PDSS2: variants seen among roughly 807,000 people sequenced by gnomAD.
PDSS2 encodes the protein decaprenyl diphosphate synthase subunit 2, also known as all trans-polyprenyl-diphosphate synthase PDSS2.
Under a neutral mutation model 44.5 loss-of-function variants are expected in PDSS2, and 31 were observed. That is an observed-to-expected ratio of 0.70 (90% CI 0.52 to 0.94). The LOEUF (loss-of-function observed/expected upper bound fraction) is 0.94. Ranked by LOEUF, PDSS2 falls within the 40% of genes least tolerant of loss-of-function variation. The pLI, the probability that PDSS2 is intolerant of heterozygous loss-of-function variation, is 0.00. For missense variants in PDSS2, 452 were observed against 482.2 expected, an observed-to-expected ratio of 0.94 and a Z score of 0.59; for synonymous variants, 157 against 180.3, an observed-to-expected ratio of 0.87 and a Z score of 1.03.
intron 2 of PDSS2, among the ~76,000 whole-genome samples, chr6:107,307,448 G>A (rs967610157): frequency 4.0e-5 from 6 of 151,798 alleles, no homozygotes; most frequent in Non-Finnish European, 5.9e-5. Flanking sequence ...ATCAGAGTAC[G>A]CATTCAAATC....
Position 107,417,674 on chromosome 6 carries a change from G to A in PDSS2, c.296+41316C>T, listed in dbSNP as rs536323989. 5.3e-5 allele frequency among the ~76,000 whole-genome samples: 8 copies of A among 152,096 alleles called. No individual in the cohort carries two copies. The South Asian group carries it at 1.2e-3, about 24-fold the overall frequency. On this transcript the variant is annotated intron_variant, in intron 1 of 7. Transcript: ENST00000369037. The stretch of plus-strand genomic sequence containing the variant: ...CTCAGGAGGCTGAAGCAGGAGAATC[G>A]CTTGAACCCAGGAGGCAGAGGTTGC...
chr6:107,238,317 T>A (rs556226177), intron 4 of PDSS2, among the ~76,000 whole-genome samples: 281 of 152,290 alleles, frequency 1.8e-3, no homozygotes, highest in African/African-American at 6.5e-3. Context: ...GTGTTCGGGA[T>A]CTCCAAATCA....
At position 107,291,062 on chromosome 6, in the gene PDSS2, T is replaced by C. The variant is rs548967922; in HGVS notation, c.432-16835A>G. ...TGAAAAGGAAAAGCATACATACTTT[T>C]GTAAACCTGTGCCGGGTAAAAGAAT... On this transcript the variant is annotated intron_variant, in intron 2 of 7. Coordinates refer to ENST00000369037, the MANE Select transcript of PDSS2 (RefSeq NM_020381.4). Among the ~76,000 whole-genome samples the C allele has an allele frequency of 3.3e-5, 5 of 152,292 alleles. No individual in the cohort carries two copies. In the East Asian group the frequency reaches 7.7e-4, roughly 23 times the overall value.
At chr6:107,385,943 T>C (rs998791162) in intron 1 of PDSS2, among the ~76,000 whole-genome samples, 2 of 152,134 alleles carry the variant, frequency 1.3e-5, no homozygotes, top group African/African-American at 4.8e-5. Flanking sequence ...AAAAATCATA[T>C]GTAGGATGTA....
chr6:107,207,988 T>TTTG lies in PDSS2; in HGVS notation c.1008+2450_1008+2451insCAA, dbSNP rs1554253993. 3.5e-5 allele frequency among the ~76,000 whole-genome samples: 5 copies of TTTG among 143,892 alleles called. No individual in the cohort carries two copies. The East Asian group carries it at 8.2e-4, about 24-fold the overall frequency. 94.4% of individuals were successfully genotyped at this position (143,892 alleles called of 152,430 possible). On this transcript the variant is annotated intron_variant, in intron 6 of 7. Transcript: ENST00000369037. ...CTCTGTCTATGACTTGTTTTTTTTT[T>TTTG]TTTTTTTTTTTTTATGAAACAGAGT...
intron 2 of PDSS2, among the ~76,000 whole-genome samples, chr6:107,306,201 T>C (rs1776853781): frequency 1.3e-5 from 2 of 152,138 alleles, no homozygotes; most frequent in Non-Finnish European, 2.9e-5. Context: ...TTTGGCTGTG[T>C]CCCCACCCAA....
Position 107,154,457 on chromosome 6 carries a change from T to C in PDSS2, c.*162A>G. 1.5e-6 allele frequency: 1 copy of C among 680,224 alleles called. No homozygotes were observed. The highest frequency in any genetic ancestry group is 2.5e-6 in the Non-Finnish European group (1 of 394,710). 42.1% of individuals were successfully genotyped at this position (680,224 alleles called of 1,614,324 possible). On this transcript the variant is annotated 3_prime_UTR_variant, in exon 8 of 8. Transcript: ENST00000369037. ...CCTTTTTTTCTTCTAATTTTGTTTG[T>C]AGCAGTTCCAAAAAGAAAGCAGAAC...
Position 107,210,459 on chromosome 6 carries a change from A to G in PDSS2, c.988T>C (p.Trp330Arg). ...TTTACCTCTCCGATCTGTTTAATCC[A>G]CAAATCTCTTCCAAGAAATTCCTGA... is the stretch of plus-strand genomic sequence containing the variant. ...LHQEFLGRDL[W>R]IKQIGEAQEK... Residue 330 changes from tryptophan (W) to arginine (R), a missense_variant, in exon 6 of 8, where the codon TGG becomes CGG. Physicochemically the swap from Trp to Arg is moderately radical, Grantham distance 101. Transcript: ENST00000369037. 6.8e-6 allele frequency: 11 copies of G among 1,610,552 alleles called. No individual in the cohort carries two copies. Among genetic ancestry groups the G allele is most frequent in the Non-Finnish European group, 9.3e-6 (11 of 1,177,066 alleles).
intron 1 of PDSS2, among the ~76,000 whole-genome samples, chr6:107,388,709 C>T (rs1174203318): frequency 1.3e-5 from 2 of 152,144 alleles, no homozygotes; most frequent in East Asian, 3.9e-4. Flanking sequence ...CCACCCACCT[C>T]GGCCTCCCAA....
At chr6:107,391,148 T>G (rs1030888054) in intron 1 of PDSS2, among the ~76,000 whole-genome samples, 5 of 152,050 alleles carry the variant, frequency 3.3e-5, no homozygotes, top group African/African-American at 1.2e-4. Flanking sequence ...CCTAAGTATT[T>G]TATTCTTGTG....
chr6:107,234,282 T>C (rs906891971), intron 4 of PDSS2, among the ~76,000 whole-genome samples: 3 of 152,086 alleles, frequency 2.0e-5, no homozygotes, highest in Non-Finnish European at 2.9e-5. Flanking sequence ...CTCGGCTCAC[T>C]GCAACCTCTA....
intron 6 of PDSS2, among the ~76,000 whole-genome samples, chr6:107,201,390 C>CAAAAAAAAAAAAAAA (rs747612959): frequency 9.6e-5 from 5 of 52,152 alleles, no homozygotes; most frequent in Non-Finnish European, 1.2e-4. Flanking sequence ...CATACAAAAG[C>CAAAAAAAAAAAAAAA]AAAAAAAAAA....
At chr6:107,431,482 C>A (rs1781192624) in intron 1 of PDSS2, among the ~76,000 whole-genome samples, 1 of 152,170 alleles carries the variant, frequency 6.6e-6, no homozygotes, top group Non-Finnish European at 1.5e-5. Flanking sequence ...ACTCTGGGCT[C>A]ATGCGAACCT....
At chr6:107,345,264 A>G (rs892946787) in intron 1 of PDSS2, among the ~76,000 whole-genome samples, 1 of 150,956 alleles carries the variant, frequency 6.6e-6, no homozygotes, top group Non-Finnish European at 1.5e-5. Flanking sequence ...TTTCAATAGA[A>G]TCTGCCATTC....
chr6:107,232,462 T>C (rs1323597224), intron 4 of PDSS2, among the ~76,000 whole-genome samples: 2 of 152,174 alleles, frequency 1.3e-5, no homozygotes, highest in Non-Finnish European at 2.9e-5. Context: ...CCCCCCAACA[T>C]AGTTAGCTGC....
At chr6:107,224,573 C>T (rs979293021) in intron 4 of PDSS2, among the ~76,000 whole-genome samples, 1 of 151,408 alleles carries the variant, frequency 6.6e-6, no homozygotes, top group South Asian at 2.1e-4. Flanking sequence ...TGATGCCTGA[C>T]TACCTCTGCA....
intron 2 of PDSS2, among the ~76,000 whole-genome samples, chr6:107,292,788 C>T (rs1776388490): frequency 6.6e-6 from 1 of 152,162 alleles, no homozygotes; most frequent in African/African-American, 2.4e-5. Context: ...GGGCAGCTAA[C>T]TAATAATAAT....
intron 2 of PDSS2, among the ~76,000 whole-genome samples, chr6:107,295,342 T>C (rs1328645073): frequency 6.6e-6 from 1 of 152,228 alleles, no homozygotes; most frequent in East Asian, 1.9e-4. Flanking sequence ...AATAAGATTA[T>C]GAAGGATGCC....
At chr6:107,178,033 T>C (rs1010727986) in intron 7 of PDSS2, among the ~76,000 whole-genome samples, 6 of 152,170 alleles carry the variant, frequency 3.9e-5, no homozygotes, top group Admixed American at 3.9e-4. Flanking sequence ...CCTTCTCATG[T>C]TCCAATTTTC....
Sources: gnomAD v4.1 joint callset for allele counts (sites outside exome capture counted in the v4.1 genomes callset) on GRCh38, gnomAD v4.1.1 for gene constraint, MANE v1.5 for transcripts, NCBI Gene and HGNC (gene_info 2026-07-23, HGNC 2026-07-21) for gene names.